FRMPD4: variants seen among roughly 807,000 people sequenced by gnomAD.
The protein encoded by FRMPD4 is FERM and PDZ domain containing 4.
FRMPD4 carries 22 observed loss-of-function variants against 94.1 expected under a neutral mutation model. The ratio of observed to expected loss-of-function variants is 0.23; its 90% CI spans 0.17 to 0.33. FRMPD4 has a LOEUF of 0.33. Ranked by LOEUF, FRMPD4 falls within the 10% of genes least tolerant of loss-of-function variation. The probability of loss-of-function intolerance (pLI) is 1.00; values close to 1 mark genes in which losing one functional copy is unlikely to be tolerated. For synonymous variants in FRMPD4, 631 were observed against 548.6 expected (o/e 1.15, Z -2.10); for missense variants, 1,111 against 1,339.9 (o/e 0.83, Z 2.67).
intron 2 of FRMPD4, among the ~76,000 whole-genome samples, chrX:12,571,143 G>A (rs1167693859): frequency 8.9e-6 from 1 of 112,068 alleles, no homozygotes; most frequent in East Asian, 2.8e-4. Flanking sequence ...TTAAACTACT[G>A]AGCTCTTTTC....
rs2042270003 is a variant in FRMPD4, at chrX:12,723,119, TCTG to T, written c.*1262_*1264del. The T allele has an allele frequency of 9.5e-6, 1 of 105,707 alleles. No individual in the cohort carries two copies. Among genetic ancestry groups the T allele is most frequent in the Non-Finnish European group, 1.9e-5 (1 of 51,382 alleles). The allele number at this position is 105,707 out of a possible 1,213,427, so 8.7% of individuals were successfully genotyped here. ...TGGATTGGCTGATAAAAATATGAAA[TCTG>T]AAAAAAAAAAGAAAGAAATGGAAGT... On this transcript the variant is annotated 3_prime_UTR_variant, in exon 17 of 17. Transcript: ENST00000675598.
intron 1 of FRMPD4, among the ~76,000 whole-genome samples, chrX:12,355,137 G>C (rs997090508): frequency 2.6e-4 from 29 of 110,709 alleles, no homozygotes; most frequent in African/African-American, 9.5e-4. Flanking sequence ...CATGCTTTCT[G>C]CATTGAGGTT....
intron 1 of FRMPD4, among the ~76,000 whole-genome samples, chrX:12,336,656 A>G (rs1052425038): frequency 9.0e-6 from 1 of 111,140 alleles, no homozygotes; most frequent in African/African-American, 3.3e-5. Context: ...CTTGGGAGAA[A>G]GGCCAACGGA....
At chrX:12,358,629 CAGTA>C (rs1279773656) in intron 1 of FRMPD4, among the ~76,000 whole-genome samples, 1 of 111,793 alleles carries the variant, frequency 8.9e-6, no homozygotes, top group Admixed American at 9.5e-5. Flanking sequence ...TCCCTTCCTT[CAGTA>C]AGTAATTTTA....
chrX:12,625,041 C>G (rs2059332832), intron 4 of FRMPD4, among the ~76,000 whole-genome samples: 1 of 111,875 alleles, frequency 8.9e-6, no homozygotes, highest in South Asian at 3.7e-4. Context: ...AAATGCTCAA[C>G]ATCACTAATC....
intron 1 of FRMPD4, among the ~76,000 whole-genome samples, chrX:12,197,824 A>C (rs865926223): frequency 1.8e-5 from 2 of 112,238 alleles, no homozygotes; most frequent in Non-Finnish European, 1.9e-5. Flanking sequence ...CAACATTTAA[A>C]TGGTATTTCT....
intron 4 of FRMPD4, among the ~76,000 whole-genome samples, chrX:12,634,826 T>C (rs891273109): frequency 1.4e-4 from 4 of 28,062 alleles, no homozygotes; most frequent in South Asian, 1.2e-3. Flanking sequence ...CCATCTCTCT[T>C]TTTTTTTTTT....
intron 3 of FRMPD4, among the ~76,000 whole-genome samples, chrX:11,959,023 C>T (rs369210874): frequency 0.014 from 1,526 of 112,261 alleles, 11 homozygotes; most frequent in Middle Eastern, 0.037. Flanking sequence ...CCAAAAATCA[C>T]AGTGAGGGTG....
At chrX:12,261,352 T>C (rs1008785049) in intron 1 of FRMPD4, among the ~76,000 whole-genome samples, 3 of 112,214 alleles carry the variant, frequency 2.7e-5, no homozygotes, top group Middle Eastern at 4.6e-3. Context: ...CTGGGCTATA[T>C]TGATTTAAGA....
intron 1 of FRMPD4, among the ~76,000 whole-genome samples, chrX:12,408,672 A>G (rs888072740): frequency 9.0e-6 from 1 of 111,629 alleles, no homozygotes; most frequent in African/African-American, 3.3e-5. Context: ...ATGGTGCCCA[A>G]TCATTTGGGG....
At chrX:12,502,602 G>A (rs976188875) in intron 2 of FRMPD4, among the ~76,000 whole-genome samples, 2 of 111,749 alleles carry the variant, frequency 1.8e-5, no homozygotes. Flanking sequence ...TTAGATGTAG[G>A]TATAGATGGA....
chrX:12,276,323 G>A (rs761644585), intron 1 of FRMPD4, among the ~76,000 whole-genome samples: 6 of 112,223 alleles, frequency 5.3e-5, no homozygotes, highest in South Asian at 3.8e-4. Context: ...ACATGTGCCC[G>A]AGGTAGTCAG....
chrX:12,461,436 C>T (rs1479404626), intron 1 of FRMPD4, among the ~76,000 whole-genome samples: 1 of 111,922 alleles, frequency 8.9e-6, no homozygotes, highest in East Asian at 2.8e-4. Flanking sequence ...AAAAGTTTCT[C>T]AGTCTTTGCT....
chrX:12,084,513 A>C (rs956541202), intron 3 of FRMPD4, among the ~76,000 whole-genome samples: 36 of 112,114 alleles, frequency 3.2e-4, no homozygotes, highest in South Asian at 7.5e-4. Context: ...GCTCTGTAGG[A>C]GTGATGGAGA....
intron 1 of FRMPD4, among the ~76,000 whole-genome samples, chrX:12,353,855 A>G (rs180972554): frequency 8.9e-6 from 1 of 112,189 alleles, no homozygotes; most frequent in East Asian, 2.8e-4. Flanking sequence ...AGTGGCCACT[A>G]TTCACTGAGT....
chrX:12,184,233 A>T (rs1484440593), intron 1 of FRMPD4, among the ~76,000 whole-genome samples: 2 of 111,472 alleles, frequency 1.8e-5, no homozygotes, highest in Admixed American at 9.6e-5. Context: ...GAAATAAAAA[A>T]TCCTGAACGC....
intron 5 of FRMPD4, among the ~76,000 whole-genome samples, chrX:12,676,811 T>C (rs193247361): frequency 1.8e-5 from 2 of 111,999 alleles, no homozygotes; most frequent in East Asian, 5.6e-4. Context: ...TTGTGCTACA[T>C]TGAAAGGCAA....
intron 3 of FRMPD4, among the ~76,000 whole-genome samples, chrX:11,897,539 A>T (rs1601827693): frequency 1.8e-5 from 2 of 112,215 alleles, no homozygotes; most frequent in East Asian, 5.6e-4. Flanking sequence ...CTACTGCTGT[A>T]TTTATGTGAA....
intron 1 of FRMPD4, among the ~76,000 whole-genome samples, chrX:12,297,648 G>T (rs1164335451): frequency 2.7e-5 from 3 of 111,649 alleles, no homozygotes; most frequent in Non-Finnish European, 5.6e-5. Flanking sequence ...GGAGAGACAG[G>T]GATTTGTAGA....
Sources: allele counts gnomAD v4.1 joint callset (sites outside exome capture counted in the v4.1 genomes callset), GRCh38; gene constraint gnomAD v4.1.1; transcripts MANE v1.5; gene names NCBI Gene and HGNC (gene_info 2026-07-23, HGNC 2026-07-21).